PRKRIP1: variants seen among roughly 807,000 people sequenced by gnomAD.
The protein encoded by PRKRIP1 is PRKR-interacting protein 1.
A neutral mutation model predicts 29.3 loss-of-function variants in PRKRIP1; 29 were observed. The observed-to-expected ratio is 0.99, with a 90% CI of 0.74 to 1.35. PRKRIP1 has a LOEUF of 1.35. Among genes scored for constraint, PRKRIP1 ranks in the 40% most tolerant of loss-of-function variants. The pLI is 0.00. For synonymous variants in PRKRIP1, 90 were observed against 85.1 expected (o/e 1.06, Z -0.32); for missense variants, 247 against 236.8 (o/e 1.04, Z -0.28).
At chr7:102,415,314 G>T (rs757337868) in intron 5 of PRKRIP1, among the ~76,000 whole-genome samples, 2 of 152,188 alleles carry the variant, frequency 1.3e-5, no homozygotes, top group Non-Finnish European at 2.9e-5. Flanking sequence ...TCAGCTCACT[G>T]CAACCTCCGC....
intron 2 of PRKRIP1, among the ~76,000 whole-genome samples, chr7:102,398,986 G>C (rs1405578244): frequency 6.6e-6 from 1 of 152,150 alleles, no homozygotes; most frequent in African/African-American, 2.4e-5. Context: ...GCCAGGCATA[G>C]TGGTGCATGC....
At chr7:102,412,464 A>G (rs1554572643) in intron 5 of PRKRIP1, among the ~76,000 whole-genome samples, 1 of 152,146 alleles carries the variant, frequency 6.6e-6, no homozygotes, top group East Asian at 1.9e-4. Context: ...CTGAGGTGGG[A>G]GGATGGCTTG....
chr7:102,406,813 G>A (rs1796235651), intron 4 of PRKRIP1, among the ~76,000 whole-genome samples: 1 of 151,156 alleles, frequency 6.6e-6, no homozygotes, highest in Admixed American at 6.6e-5. Flanking sequence ...ACTTGAATTG[G>A]CTTTTTGTCT....
At chr7:102,422,474 G>A (rs1554573862) in intron 5 of PRKRIP1, among the ~76,000 whole-genome samples, 1 of 151,994 alleles carries the variant, frequency 6.6e-6, no homozygotes, top group East Asian at 1.9e-4. Flanking sequence ...CTCCCAAGTA[G>A]CTGGGATTAC....
chr7:102,404,715 TA>T, intron 4 of PRKRIP1, 32 bp downstream of exon 4: 1 of 1,574,558 alleles, frequency 6.4e-7, no homozygotes, highest in South Asian at 1.1e-5. Flanking sequence ...TGATGACACT[TA>T]AGGGCCAGGG....
intron 5 of PRKRIP1, among the ~76,000 whole-genome samples, chr7:102,419,922 C>T (rs1248018336): frequency 2.0e-5 from 3 of 148,696 alleles, no homozygotes; most frequent in Non-Finnish European, 4.4e-5. Flanking sequence ...TCTCTGTCGC[C>T]CAGGCTGGAG....
At chr7:102,404,569 G>C (rs368529734) in intron 3 of PRKRIP1, 29 bp from the exon 4 acceptor site, 7 of 1,587,366 alleles carry the variant, frequency 4.4e-6, no homozygotes, top group Non-Finnish European at 6.1e-6. Flanking sequence ...AGACCAGAGC[G>C]TGTCTAAATG....
Position 102,396,552 on chromosome 7 carries a change from AG to A in PRKRIP1, c.126+17del. ...TGAAGAACCCGGTGAGACGAGGCCC[AG>A]GCTCCACGGCCCGTCCGAGGCCCAC... On this transcript the variant is annotated intron_variant, in intron 1 of 5. Transcript: ENST00000397912. The A allele has an allele frequency of 3.7e-6, 6 of 1,602,894 alleles. No individual in the cohort carries two copies. Among genetic ancestry groups the A allele is most frequent in the Non-Finnish European group, 5.1e-6 (6 of 1,175,978 alleles).
chr7:102,425,006 G>C lies in PRKRIP1; in HGVS notation c.458-8G>C, dbSNP rs782690144. On this transcript the variant is annotated splice_region_variant and splice_polypyrimidine_tract_variant and intron_variant, in intron 5 of 5. Coordinates refer to ENST00000397912, the MANE Select transcript of PRKRIP1 (RefSeq NM_024653.4). The stretch of plus-strand genomic sequence containing the variant: ...CATGTCTGTAATTTGAATGTCGTGT[G>C]GTTACAGGACCCGGTCAGCCCAAGG... 2.5e-6 allele frequency: 4 copies of C among 1,609,942 alleles called. No individual in the cohort carries two copies. Among genetic ancestry groups the C allele is most frequent in the Non-Finnish European group, 3.4e-6 (4 of 1,178,658 alleles).
At chr7:102,398,590 C>T (rs1364327669) in intron 2 of PRKRIP1, among the ~76,000 whole-genome samples, 4 of 152,130 alleles carry the variant, frequency 2.6e-5, no homozygotes, top group Non-Finnish European at 4.4e-5. Context: ...CGGCCATCTC[C>T]TGCATTATTC....
intron 5 of PRKRIP1, among the ~76,000 whole-genome samples, chr7:102,414,812 G>A (rs1414978967): frequency 6.6e-6 from 1 of 152,088 alleles, no homozygotes; most frequent in Non-Finnish European, 1.5e-5. Context: ...CTGACCTTGG[G>A]GAAGTGGAGG....
chr7:102,410,922 T>C (rs1256266055), intron 5 of PRKRIP1, among the ~76,000 whole-genome samples: 1 of 152,220 alleles, frequency 6.6e-6, no homozygotes, highest in Admixed American at 6.5e-5. Flanking sequence ...AATTTGTTTT[T>C]TGTTTTCATT....
At position 102,409,053 on chromosome 7, in the gene PRKRIP1, A is replaced by G. The variant is rs1263463271; in HGVS notation, c.457+1555A>G. 3.9e-5 allele frequency among the ~76,000 whole-genome samples: 6 copies of G among 152,178 alleles called. No homozygotes were observed. The East Asian group carries it at 1.2e-3, about 29-fold the overall frequency. The stretch of plus-strand genomic sequence containing the variant: ...GCTAGGCGTGATGGCAGGCACCTGT[A>G]ATCCCAGCTATTCGGGAGGCTGAGG... On this transcript the variant is annotated intron_variant, in intron 5 of 5. Coordinates refer to ENST00000397912, the MANE Select transcript of PRKRIP1 (RefSeq NM_024653.4).
chr7:102,408,138 T>C (rs1796282174), intron 5 of PRKRIP1, among the ~76,000 whole-genome samples: 1 of 152,066 alleles, frequency 6.6e-6, no homozygotes, highest in Non-Finnish European at 1.5e-5. Context: ...GAGTATGAGG[T>C]GGCTCCCATG....
intron 5 of PRKRIP1, among the ~76,000 whole-genome samples, chr7:102,420,849 G>A (rs1247827951): frequency 2.0e-5 from 3 of 152,104 alleles, no homozygotes; most frequent in Admixed American, 6.6e-5. Context: ...TACACAACAC[G>A]GATTATTCAG....
At chr7:102,417,868 G>A (rs959465988) in intron 5 of PRKRIP1, among the ~76,000 whole-genome samples, 8 of 151,744 alleles carry the variant, frequency 5.3e-5, no homozygotes, top group East Asian at 1.9e-4. Flanking sequence ...CAGTCCCCCT[G>A]CCTCAGCCTC....
chr7:102,406,672 C>T (rs368430696), intron 4 of PRKRIP1, among the ~76,000 whole-genome samples: 12 of 152,230 alleles, frequency 7.9e-5, no homozygotes, highest in African/African-American at 2.6e-4. Flanking sequence ...AGGCTCTTGT[C>T]TCCTTTGCAA....
chr7:102,407,879 G>T (rs1184260144), intron 5 of PRKRIP1, among the ~76,000 whole-genome samples: 1 of 152,138 alleles, frequency 6.6e-6, no homozygotes, highest in African/African-American at 2.4e-5. Flanking sequence ...TGTCCAGGAG[G>T]GAAAATTGAG....
Position 102,425,920 on chromosome 7 carries a change from C to T in PRKRIP1, c.*809C>T, listed in dbSNP as rs1796818997. On this transcript the variant is annotated 3_prime_UTR_variant, in exon 6 of 6. Coordinates refer to ENST00000397912, the MANE Select transcript of PRKRIP1 (RefSeq NM_024653.4). ...GAAGTGGAAGGGGGTCTAAACAGAA[C>T]AGGCTGAGAGAGGCGGGACTGGGTC... is the stretch of plus-strand genomic sequence containing the variant. 6.5e-6 allele frequency: 1 copy of T among 153,392 alleles called. No individual in the cohort carries two copies. Among genetic ancestry groups the T allele is most frequent in the South Asian group, 2.0e-4 (1 of 5,066 alleles). 9.5% of individuals were successfully genotyped at this position (153,392 alleles called of 1,614,324 possible). A position where few individuals can be genotyped will look rare whatever the true frequency, so the allele number is the denominator to read the frequency against.
Sources: gnomAD v4.1 joint callset for allele counts (sites outside exome capture counted in the v4.1 genomes callset) on GRCh38, gnomAD v4.1.1 for gene constraint, MANE v1.5 for transcripts, NCBI Gene and HGNC (gene_info 2026-07-23, HGNC 2026-07-21) for gene names.